The following PDE2A variants were observed in gnomAD, a reference collection of about 807,000 sequenced individuals.
PDE2A encodes phosphodiesterase 2A, also known as cGMP-dependent 3',5'-cyclic phosphodiesterase.
In PDE2A, 53 loss-of-function variants were observed where a neutral mutation model predicts 133.6. That is an observed-to-expected ratio of 0.40 (90% CI 0.32 to 0.50). The LOEUF is 0.50. Among genes scored for constraint, PDE2A ranks in the 20% least tolerant of loss-of-function variants. The pLI is 0.73. For missense variants in PDE2A, 796 were observed against 1,232.4 expected, an observed-to-expected ratio of 0.65 and a Z score of 5.30; for synonymous variants, 491 against 490.2, an observed-to-expected ratio of 1.00 and a Z score of -0.02.
chr11:72,581,291 G>A (rs1052137520), intron 23 of PDE2A, 66 bp downstream of exon 23: 3 of 1,427,028 alleles, frequency 2.1e-6, no homozygotes, highest in Non-Finnish European at 1.9e-6. Flanking sequence ...CACACAGGGG[G>A]TGCTTCCCTG....
intron 1 of PDE2A, among the ~76,000 whole-genome samples, chr11:72,669,614 G>A (rs1271770420): frequency 6.6e-6 from 1 of 152,196 alleles, no homozygotes; most frequent in African/African-American, 2.4e-5. Context: ...AGAAAAGCTG[G>A]GGCGCTCCAA....
In PDE2A at chr11:72,578,857, G is replaced by A. The variant is rs765449000; in HGVS notation, c.2469+40C>T. Reference sequence around the variant, plus strand: ...ACAGGGGGCACCCAAAGCTGGGCAGGGTGGGCAGCCTGTGCCTTCCCAGGG... The same window carrying A: ...ACAGGGGGCACCCAAAGCTGGGCAGAGTGGGCAGCCTGTGCCTTCCCAGGG... On this transcript the variant is annotated intron_variant, in intron 28 of 30. Coordinates refer to ENST00000334456, the MANE Select transcript of PDE2A (RefSeq NM_002599.5). This position sits in a 1 kb window ranked among gnomAD's most constrained non-coding sequence, Gnocchi z 4.2. The A allele has an allele frequency of 1.6e-6, 2 of 1,281,198 alleles. No homozygotes were observed. Among genetic ancestry groups the A allele is most frequent in the Admixed American group, 3.4e-5 (2 of 58,546 alleles). The allele number at this position is 1,281,198 out of a possible 1,614,324, so 79.4% of individuals were successfully genotyped here. A position where few individuals can be genotyped will look rare whatever the true frequency, so the allele number is the denominator to read the frequency against.
chr11:72,592,154 G>A (rs1244119083), intron 6 of PDE2A, among the ~76,000 whole-genome samples: 1 of 152,210 alleles, frequency 6.6e-6, no homozygotes, highest in Non-Finnish European at 1.5e-5. Flanking sequence ...CTACTTGGGT[G>A]CTTGTCGAGG....
intron 4 of PDE2A, among the ~76,000 whole-genome samples, chr11:72,603,773 C>T (rs932076623): frequency 2.0e-5 from 3 of 152,056 alleles, no homozygotes; most frequent in Non-Finnish European, 2.9e-5. Flanking sequence ...TGCTCCTTGA[C>T]GGAGAAGTTG....
At chr11:72,652,816 G>C in intron 1 of PDE2A, 2 of 429,086 alleles carry the variant, frequency 4.7e-6, no homozygotes, top group Non-Finnish European at 4.7e-6. Context: ...TTGGGGAAAA[G>C]AGCCCAGGGC....
chr11:72,596,607 C>T lies in PDE2A; in HGVS notation c.475G>A (p.Ala159Thr), dbSNP rs1856501080. Residue 159 changes from alanine to threonine, a missense_variant, in exon 6 of 31, where the codon GCA becomes ACA. Ala to Thr is a moderately conservative substitution (Grantham distance 58). Coordinates refer to ENST00000334456, the MANE Select transcript of PDE2A (RefSeq NM_002599.5). ...CAGGCTCTTACCAAGATGACAGCTG[C>T]CACGGCCCCAGCCTCCTTGTCCGCT... ...PLADKEAGAV[A>T]AVILVHCGQL... 6.7e-7 allele frequency: 1 copy of T among 1,500,774 alleles called. No individual in the cohort carries two copies. The highest frequency in any genetic ancestry group is 9.0e-7 in the Non-Finnish European group (1 of 1,116,086). The allele number at this position is 1,500,774 out of a possible 1,614,324, so 93.0% of individuals were successfully genotyped here. A position where few individuals can be genotyped will look rare whatever the true frequency, so the allele number is the denominator to read the frequency against.
At chr11:72,674,081 C>G in intron 1 of PDE2A, 56 bp downstream of exon 1, 3 of 1,558,318 alleles carry the variant, frequency 1.9e-6, no homozygotes, top group Non-Finnish European at 2.6e-6. Context: ...CTCCCAGGAC[C>G]CTGTCTGTGG....
chr11:72,670,231 C>G (rs1011237837), intron 1 of PDE2A, among the ~76,000 whole-genome samples: 5 of 151,986 alleles, frequency 3.3e-5, no homozygotes, highest in African/African-American at 1.2e-4. Context: ...TCCTAAATAC[C>G]TTCCTGCGAC....
chr11:72,603,569 G>A (rs1856847815), intron 4 of PDE2A, among the ~76,000 whole-genome samples: 1 of 152,246 alleles, frequency 6.6e-6, no homozygotes, highest in Non-Finnish European at 1.5e-5. Context: ...TCCTGGAGGA[G>A]TGGAGCTTAT....
intron 2 of PDE2A, among the ~76,000 whole-genome samples, chr11:72,628,330 GT>G (rs1222551385): frequency 7.0e-6 from 1 of 143,578 alleles, no homozygotes; most frequent in African/African-American, 2.7e-5. Flanking sequence ...AATGATAGAG[GT>G]TCTTTTTTTT....
chr11:72,637,726 G>A (rs1384308900), intron 2 of PDE2A, among the ~76,000 whole-genome samples: 1 of 152,246 alleles, frequency 6.6e-6, no homozygotes, highest in Non-Finnish European at 1.5e-5. Flanking sequence ...GACACTGGAG[G>A]AGCTGGCTGT....
At chr11:72,658,077 C>G (rs1365393407) in intron 1 of PDE2A, 1 of 456,260 alleles carries the variant, frequency 2.2e-6, no homozygotes, top group African/African-American at 2.0e-5. Context: ...AGAAAACCTG[C>G]AGGGTCAGAA....
intron 1 of PDE2A, among the ~76,000 whole-genome samples, chr11:72,654,736 ACT>A (rs1192244514): frequency 6.6e-6 from 1 of 151,942 alleles, no homozygotes; most frequent in African/African-American, 2.4e-5. Context: ...GTTTCTCCAG[ACT>A]CTTACTGGAG....
Position 72,589,994 on chromosome 11 carries a change from C to A in PDE2A, c.757-13G>T. ...TCTCCTGCTGCAGCTGAGAGAGGGA[C>A]AGGCAGGGCGAGGGGGTGACCGCGG... On this transcript the variant is annotated splice_polypyrimidine_tract_variant and intron_variant, in intron 9 of 30. Transcript: ENST00000334456. The A allele has an allele frequency of 6.2e-7, 1 of 1,607,972 alleles. No individual in the cohort carries two copies. The highest frequency in any genetic ancestry group is 2.2e-5 in the East Asian group (1 of 44,722).
intron 2 of PDE2A, among the ~76,000 whole-genome samples, chr11:72,632,290 G>A (rs866844971): frequency 5.9e-5 from 9 of 152,298 alleles, no homozygotes; most frequent in African/African-American, 1.7e-4. Context: ...TGGTGTGGCC[G>A]AAGCAGGGCG....
At chr11:72,588,606 G>A (rs993730762) in intron 13 of PDE2A, among the ~76,000 whole-genome samples, 178 bp downstream of exon 13, 1 of 152,208 alleles carries the variant, frequency 6.6e-6, no homozygotes, top group African/African-American at 2.4e-5. Flanking sequence ...GAGAAGAGAA[G>A]AGGAACTAGC....
rs1424383111 is a variant in PDE2A at position 72,608,719 on chromosome 11, G to A, written c.177C>T (p.Asp59=). 2 of 1,573,010 alleles carry A rather than the reference G, an allele frequency of 1.3e-6. No homozygotes were observed. The highest frequency in any genetic ancestry group is 8.6e-7 in the Non-Finnish European group (1 of 1,158,454). The change falls in exon 3 of 31, where the codon GAC becomes GAT. Residue 59 remains aspartate (D), a synonymous_variant. Coordinates refer to ENST00000334456, the MANE Select transcript of PDE2A (RefSeq NM_002599.5). ...DALLSLGSVI[D]ISGLQRAVKE... The stretch of plus-strand genomic sequence containing the variant: ...TGACAGCACGTTGCAGGCCTGAAAT[G>A]TCGATGACAGAGCCCAGACTCAGCA...
chr11:72,589,036 G>T, intron 12 of PDE2A, 122 bp from the exon 13 acceptor site: 2 of 1,259,636 alleles, frequency 1.6e-6, no homozygotes, highest in Non-Finnish European at 2.3e-6. Flanking sequence ...GAAGCTCTGT[G>T]TCATGGAGAT....
chr11:72,582,324 G>C, intron 21 of PDE2A, 120 bp downstream of exon 21: 1 of 999,568 alleles, frequency 1.0e-6, no homozygotes, highest in East Asian at 2.5e-5. Flanking sequence ...ATCTCTGAGG[G>C]ACCCTCCACA....
Sources: gnomAD v4.1 joint callset for allele counts (sites outside exome capture counted in the v4.1 genomes callset) on GRCh38, gnomAD v4.1.1 for gene constraint, Gnocchi (gnomAD v3.1) non-coding constraint, MANE v1.5 for transcripts, NCBI Gene and HGNC (gene_info 2026-07-23, HGNC 2026-07-21) for gene names.